ATP8B4: variants seen among roughly 807,000 people sequenced by gnomAD.
ATP8B4 encodes probable phospholipid-transporting ATPase IM.
ATP8B4 carries 133 observed loss-of-function variants against 145.6 expected under a neutral mutation model. The observed-to-expected ratio is 0.91, with a 90% CI of 0.79 to 1.05. ATP8B4 has a LOEUF of 1.05. ATP8B4 is among the 50% of genes least tolerant of loss of function. ATP8B4 has a pLI of 0.00. For synonymous variants in ATP8B4, 507 were observed against 492.9 expected (o/e 1.03, Z -0.38); for missense variants, 1,458 against 1,425.2 (o/e 1.02, Z -0.37).
At chr15:50,101,267 C>T (rs2056334657) in intron 2 of ATP8B4, among the ~76,000 whole-genome samples, 1 of 151,982 alleles carries the variant, frequency 6.6e-6, no homozygotes, top group Non-Finnish European at 1.5e-5. Context: ...AGGAGAATGT[C>T]CTTGTTCTTA....
intron 12 of ATP8B4, 135 bp from the exon 13 acceptor site, chr15:49,972,925 C>G: frequency 1.3e-6 from 1 of 764,624 alleles, no homozygotes; most frequent in Non-Finnish European, 2.1e-6. Context: ...TCCCTAGGTC[C>G]CAGGGATCTT....
At chr15:50,026,538 G>A (rs2050018904) in intron 6 of ATP8B4, among the ~76,000 whole-genome samples, 1 of 152,164 alleles carries the variant, frequency 6.6e-6, no homozygotes, top group South Asian at 2.1e-4. Flanking sequence ...AGGGTGAGAG[G>A]GCAGCCGAGA....
chr15:49,968,229 A>G (rs1271786769), intron 13 of ATP8B4, among the ~76,000 whole-genome samples: 1 of 152,232 alleles, frequency 6.6e-6, no homozygotes. Flanking sequence ...AATGGGCAAA[A>G]TGACCAGCTA....
intron 6 of ATP8B4, among the ~76,000 whole-genome samples, chr15:50,011,237 T>C (rs1302249009): frequency 6.6e-6 from 1 of 152,184 alleles, no homozygotes; most frequent in African/African-American, 2.4e-5. Context: ...GTCACTGACA[T>C]TCTTTTCCAA....
chr15:50,084,815 A>G (rs979972831), intron 2 of ATP8B4, among the ~76,000 whole-genome samples: 5 of 151,880 alleles, frequency 3.3e-5, no homozygotes, highest in African/African-American at 7.3e-5. Context: ...TCGTTGTCAC[A>G]TCTCATTCTC....
intron 6 of ATP8B4, among the ~76,000 whole-genome samples, chr15:50,018,529 G>C (rs1413896522): frequency 2.6e-5 from 4 of 152,158 alleles, no homozygotes; most frequent in African/African-American, 9.7e-5. Flanking sequence ...CTGATACCCG[G>C]AGTATATGGA....
Position 50,038,773 on chromosome 15 carries a change from G to C in ATP8B4, c.357C>G (p.Asn119Lys). The C allele has an allele frequency of 6.2e-7, 1 of 1,611,894 alleles. No individual in the cohort carries two copies. Among genetic ancestry groups the C allele is most frequent in the South Asian group, 1.1e-5 (1 of 90,914 alleles). The stretch of plus-strand genomic sequence containing the variant: ...CCACAGAATGTATTTCTTACTTGCT[G>C]TTGATGAGCACTTCAGACTGCCGAT... ...VNNRQSEVLI[N>K]SKLQNEKWMN... The change falls in exon 6 of 28, where the codon AAC becomes AAG. Residue 119 changes from asparagine (N) to lysine (K), a missense_variant. Coordinates refer to ENST00000284509, the MANE Select transcript of ATP8B4 (RefSeq NM_024837.4).
At chr15:49,997,683 TAGAC>T (rs963619458) in intron 8 of ATP8B4, among the ~76,000 whole-genome samples, 3 of 152,144 alleles carry the variant, frequency 2.0e-5, no homozygotes, top group African/African-American at 7.2e-5. Context: ...TAACTCATTT[TAGAC>T]AGCCAAAAAG....
At chr15:49,931,991 T>G (rs2074400518) in intron 15 of ATP8B4, among the ~76,000 whole-genome samples, 1 of 151,516 alleles carries the variant, frequency 6.6e-6, no homozygotes, top group Non-Finnish European at 1.5e-5. Context: ...TATATATACA[T>G]ATAGAGAGAG....
At chr15:49,939,633 GT>G (rs1234718072) in intron 14 of ATP8B4, among the ~76,000 whole-genome samples, 2 of 152,130 alleles carry the variant, frequency 1.3e-5, no homozygotes, top group Admixed American at 1.3e-4. Flanking sequence ...CCAAAAATAC[GT>G]TCAGACCAGA....
At chr15:49,945,694 A>G (rs1161367949) in intron 14 of ATP8B4, among the ~76,000 whole-genome samples, 2 of 152,218 alleles carry the variant, frequency 1.3e-5, no homozygotes, top group African/African-American at 2.4e-5. Flanking sequence ...ATGATTCAAC[A>G]TACAAAAATC....
At chr15:50,001,292 A>T (rs921711742) in intron 8 of ATP8B4, among the ~76,000 whole-genome samples, 1 of 152,138 alleles carries the variant, frequency 6.6e-6, no homozygotes, top group African/African-American at 2.4e-5. Context: ...TTTCAAATGT[A>T]TGCCATAAAT....
At position 50,010,833 on chromosome 15, in the gene ATP8B4, T is replaced by C; in HGVS notation, c.435+12A>G. ...TCTGAGATAAATTATTCAAACAATA[T>C]TGAATACTTACAGCAACAAATTGGT... On this transcript the variant is annotated intron_variant, in intron 7 of 27. Coordinates refer to ENST00000284509, the MANE Select transcript of ATP8B4 (RefSeq NM_024837.4). The C allele has an allele frequency of 2.0e-6, 3 of 1,497,704 alleles. No homozygotes were observed. The highest frequency in any genetic ancestry group is 1.4e-5 in the African/African-American group (1 of 69,416). 92.8% of individuals were successfully genotyped at this position (1,497,704 alleles called of 1,614,324 possible).
At chr15:49,919,043 G>C (rs779425586) in intron 18 of ATP8B4, 93 bp from the exon 19 acceptor site, 82 of 889,040 alleles carry the variant, frequency 9.2e-5, no homozygotes, top group Non-Finnish European at 1.3e-4. Flanking sequence ...GGAGGCCAAA[G>C]AATATTAATT....
intron 1 of ATP8B4, among the ~76,000 whole-genome samples, chr15:50,118,178 A>G (rs1449256599): frequency 6.6e-6 from 1 of 152,230 alleles, no homozygotes; most frequent in Non-Finnish European, 1.5e-5. Flanking sequence ...CGATATAGAT[A>G]ATGATAATTT....
At chr15:49,966,886 C>A (rs2044598302) in intron 13 of ATP8B4, among the ~76,000 whole-genome samples, 2 of 152,146 alleles carry the variant, frequency 1.3e-5, no homozygotes, top group Non-Finnish European at 1.5e-5. Context: ...TGACATCTGG[C>A]AAGTGCCCCT....
At chr15:50,097,274 C>T (rs117395169) in intron 2 of ATP8B4, among the ~76,000 whole-genome samples, 1,611 of 152,076 alleles carry the variant, frequency 0.011, 15 homozygotes, top group Non-Finnish European at 0.019. Context: ...TTTTATCACC[C>T]TCTATCAAAG....
chr15:50,112,066 T>C, intron 1 of ATP8B4, among the ~76,000 whole-genome samples: 1 of 152,058 alleles, frequency 6.6e-6, no homozygotes, highest in East Asian at 1.9e-4. Flanking sequence ...AGAAGCTCTG[T>C]TTGCAGTGAG....
chr15:50,139,303 G>A (rs80057714), intron 1 of ATP8B4, among the ~76,000 whole-genome samples: 23,481 of 152,050 alleles, frequency 0.15, 2,160 homozygotes, highest in Non-Finnish European at 0.21. Flanking sequence ...GGATGAAGCC[G>A]GAAGCCATCA....
Sources: allele counts gnomAD v4.1 joint callset (sites outside exome capture counted in the v4.1 genomes callset), GRCh38; gene constraint gnomAD v4.1.1; transcripts MANE v1.5; gene names NCBI Gene and HGNC (gene_info 2026-07-23, HGNC 2026-07-21).